The following SLC4A10 variants were observed in gnomAD, a reference collection of about 807,000 sequenced individuals.
The protein encoded by SLC4A10 is solute carrier family 4 member 10.
Under a neutral mutation model 137.7 loss-of-function variants are expected in SLC4A10, and 42 were observed. The ratio of observed to expected loss-of-function variants is 0.30; its 90% CI spans 0.24 to 0.39. SLC4A10 has a LOEUF of 0.39. SLC4A10 is among the 10% of genes least tolerant of loss of function. The pLI is 1.00. For synonymous variants in SLC4A10, 474 were observed against 464.1 expected (o/e 1.02, Z -0.27); for missense variants, 925 against 1,355.0 (o/e 0.68, Z 4.98).
chr2:161,944,010 T>A (rs1367225605), intron 16 of SLC4A10, among the ~76,000 whole-genome samples: 1 of 151,940 alleles, frequency 6.6e-6, no homozygotes, highest in Non-Finnish European at 1.5e-5. Context: ...ATTTTACTAC[T>A]TCTATTCTTA....
chr2:161,700,938 TC>T (rs1363336396), intron 1 of SLC4A10, among the ~76,000 whole-genome samples: 1 of 152,124 alleles, frequency 6.6e-6, no homozygotes, highest in Non-Finnish European at 1.5e-5. Context: ...TACAGTTTTT[TC>T]TTTTTTTGAT....
At chr2:161,749,820 G>A (rs534348972) in intron 1 of SLC4A10, among the ~76,000 whole-genome samples, 1 of 151,744 alleles carries the variant, frequency 6.6e-6, no homozygotes, top group East Asian at 1.9e-4. Flanking sequence ...CTACTTTTTG[G>A]ATGCATTTGA....
At chr2:161,981,153 T>C (rs1700165826) in intron 26 of SLC4A10, among the ~76,000 whole-genome samples, 1 of 152,258 alleles carries the variant, frequency 6.6e-6, no homozygotes, top group African/African-American at 2.4e-5. Flanking sequence ...CAAGTTGATA[T>C]TATGAATCTT....
chr2:161,764,366 A>G (rs1433859889), intron 1 of SLC4A10, among the ~76,000 whole-genome samples: 1 of 152,148 alleles, frequency 6.6e-6, no homozygotes, highest in Non-Finnish European at 1.5e-5. Context: ...TAAAAAATCA[A>G]TGAAAGTGGA....
At chr2:161,829,282 G>T (rs954954855) in intron 3 of SLC4A10, among the ~76,000 whole-genome samples, 1 of 152,032 alleles carries the variant, frequency 6.6e-6, no homozygotes, top group Non-Finnish European at 1.5e-5. Context: ...AATAAATATG[G>T]TATAGCATTT....
intron 1 of SLC4A10, among the ~76,000 whole-genome samples, chr2:161,730,976 C>G (rs569293347): frequency 6.6e-6 from 1 of 152,152 alleles, no homozygotes; most frequent in East Asian, 1.9e-4. Context: ...ATTCCAATAA[C>G]AATTGGTGAA....
chr2:161,871,461 A>G (rs1372678498), intron 6 of SLC4A10, among the ~76,000 whole-genome samples: 1 of 152,034 alleles, frequency 6.6e-6, no homozygotes. Flanking sequence ...AACAAATTTC[A>G]TATGACTTAC....
chr2:161,763,782 A>G (rs1037884850), intron 1 of SLC4A10, among the ~76,000 whole-genome samples: 1 of 152,172 alleles, frequency 6.6e-6, no homozygotes, highest in Non-Finnish European at 1.5e-5. Flanking sequence ...TTATAAAGAG[A>G]GAGCATGGGG....
chr2:161,760,752 A>G (rs2050170859), intron 1 of SLC4A10, among the ~76,000 whole-genome samples: 1 of 152,172 alleles, frequency 6.6e-6, no homozygotes, highest in East Asian at 1.9e-4. Context: ...TTCCTTCATA[A>G]TACCATTGTA....
intron 1 of SLC4A10, among the ~76,000 whole-genome samples, chr2:161,629,766 AT>A (rs2033170275): frequency 6.6e-6 from 1 of 151,602 alleles, no homozygotes; most frequent in Non-Finnish European, 1.5e-5. Context: ...ATAGTTTTGC[AT>A]TTTTTAGAGT....
At chr2:161,835,174 A>T (rs1465132264) in intron 3 of SLC4A10, among the ~76,000 whole-genome samples, 3 of 151,956 alleles carry the variant, frequency 2.0e-5, no homozygotes, top group East Asian at 3.9e-4. Context: ...AGTATCTGAG[A>T]CTACAAGCAC....
At chr2:161,841,325 G>A (rs916750605) in intron 4 of SLC4A10, among the ~76,000 whole-genome samples, 7 of 152,096 alleles carry the variant, frequency 4.6e-5, no homozygotes, top group African/African-American at 1.4e-4. Flanking sequence ...TCCTCTACCT[G>A]CCTCAGCCTC....
At chr2:161,744,043 A>G (rs765578245) in intron 1 of SLC4A10, among the ~76,000 whole-genome samples, 24 of 151,996 alleles carry the variant, frequency 1.6e-4, no homozygotes, top group African/African-American at 2.4e-4. Context: ...TGGAGTCTTT[A>G]CTTTCTTTCC....
chr2:161,819,859 G>A (rs1245423458), intron 3 of SLC4A10, among the ~76,000 whole-genome samples: 1 of 152,068 alleles, frequency 6.6e-6, no homozygotes, highest in African/African-American at 2.4e-5. Context: ...ATTTTCAACT[G>A]GGAACATGGA....
intron 1 of SLC4A10, among the ~76,000 whole-genome samples, chr2:161,695,986 A>G (rs1034671496): frequency 6.6e-6 from 1 of 151,990 alleles, no homozygotes; most frequent in African/African-American, 2.4e-5. Flanking sequence ...ATATGTATAC[A>G]TGTGCCATGT....
At chr2:161,908,803 G>A (rs1185553670) in intron 15 of SLC4A10, among the ~76,000 whole-genome samples, 5 of 151,840 alleles carry the variant, frequency 3.3e-5, no homozygotes, top group Admixed American at 3.3e-4. Flanking sequence ...AGGACTATGT[G>A]TGTTTGAAAA....
intron 2 of SLC4A10, among the ~76,000 whole-genome samples, chr2:161,789,967 A>G (rs1185015742): frequency 1.3e-5 from 2 of 152,178 alleles, no homozygotes; most frequent in African/African-American, 2.4e-5. Flanking sequence ...ACTCTATCTG[A>G]TAAGCACATT....
chr2:161,833,984 G>A (rs1207975847), intron 3 of SLC4A10, among the ~76,000 whole-genome samples: 1 of 152,200 alleles, frequency 6.6e-6, no homozygotes, highest in Non-Finnish European at 1.5e-5. Flanking sequence ...TGGATAATAA[G>A]ATGAAAGGGT....
At chr2:161,885,071 G>C (rs947414455) in intron 10 of SLC4A10, among the ~76,000 whole-genome samples, 2 of 152,152 alleles carry the variant, frequency 1.3e-5, no homozygotes, top group East Asian at 1.9e-4. Context: ...CCAGCTACTT[G>C]AGAGGCTGAG....
Sources: allele counts gnomAD v4.1 joint callset (sites outside exome capture counted in the v4.1 genomes callset), GRCh38; gene constraint gnomAD v4.1.1; transcripts MANE v1.5; gene names NCBI Gene and HGNC (gene_info 2026-07-23, HGNC 2026-07-21).